SGCD: variants seen among roughly 807,000 people sequenced by gnomAD.
The protein encoded by SGCD is delta-sarcoglycan.
In SGCD, 18 loss-of-function variants were observed where a neutral mutation model predicts 36.6. The observed-to-expected ratio is 0.49, with a 90% confidence interval of 0.34 to 0.73. The LOEUF is 0.73. SGCD is among the 30% of genes least tolerant of loss of function. SGCD has a pLI of 0.01. For synonymous variants in SGCD, 133 were observed against 130.6 expected (o/e 1.02, Z -0.12); for missense variants, 387 against 346.7 (o/e 1.12, Z -0.92).
chr5:156,118,121 G>A (rs528795148), intron 2 of SGCD, among the ~76,000 whole-genome samples: 2 of 152,116 alleles, frequency 1.3e-5, no homozygotes, highest in South Asian at 4.1e-4. Context: ...AGTAAGGAGA[G>A]TGTAGTGAAG....
intron 7 of SGCD, among the ~76,000 whole-genome samples, chr5:156,679,493 G>C (rs775743620): frequency 2.0e-5 from 3 of 152,058 alleles, no homozygotes; most frequent in African/African-American, 4.8e-5. Flanking sequence ...TGCCACCCTT[G>C]GGCAATGCAC....
At chr5:156,167,984 A>G (rs1317715861) in intron 3 of SGCD, among the ~76,000 whole-genome samples, 2 of 152,244 alleles carry the variant, frequency 1.3e-5, no homozygotes, top group African/African-American at 4.8e-5. Context: ...TATCAGCACC[A>G]TGTCTTAGTT....
At chr5:156,537,032 C>T (rs769274982) in intron 4 of SGCD, among the ~76,000 whole-genome samples, 10 of 152,110 alleles carry the variant, frequency 6.6e-5, no homozygotes, top group African/African-American at 9.7e-5. Context: ...CTTCCTCCCT[C>T]GTGAAGCATT....
chr5:156,406,621 T>A (rs1363433810), intron 3 of SGCD, among the ~76,000 whole-genome samples: 4 of 151,322 alleles, frequency 2.6e-5, no homozygotes, highest in Non-Finnish European at 4.4e-5. Context: ...GCACTTAGAG[T>A]GTTTTCCCTG....
intron 4 of SGCD, among the ~76,000 whole-genome samples, chr5:156,542,555 C>A (rs1758391085): frequency 6.6e-6 from 1 of 152,124 alleles, no homozygotes; most frequent in South Asian, 2.1e-4. Flanking sequence ...TACTGCTAGG[C>A]AATATGCATT....
At chr5:156,013,295 G>A (rs1758899542) in intron 1 of SGCD, among the ~76,000 whole-genome samples, 1 of 152,200 alleles carries the variant, frequency 6.6e-6, no homozygotes. Flanking sequence ...AAAGTGCTGG[G>A]ATTACAGGCA....
In SGCD at chr5:156,589,241, T is replaced by C; in HGVS notation, c.305T>C (p.Leu102Pro). 6.4e-7 allele frequency: 1 copy of C among 1,564,684 alleles called. No individual in the cohort carries two copies. The highest frequency in any genetic ancestry group is 8.7e-7 in the Non-Finnish European group (1 of 1,151,280). Residue 102 changes from leucine (L) to proline (P), a missense_variant, in exon 5 of 9, where the codon CTG (leucine) becomes CCG (proline). Physicochemically the swap from Leu to Pro is moderately conservative, Grantham distance 98 (BLOSUM62 -3). Transcript: ENST00000337851. ...KEIQSRPGNA[L>P]YFKSARNVTV... ...ATTTTCTTATTGCAGGGTAATGCCC[T>C]GTACTTCAAGTCTGCCAGAAATGTT... is the stretch of plus-strand genomic sequence containing the variant.
At chr5:156,747,496 A>G (rs1285729739) in intron 7 of SGCD, among the ~76,000 whole-genome samples, 9 of 152,222 alleles carry the variant, frequency 5.9e-5, no homozygotes, top group Admixed American at 5.9e-4. Flanking sequence ...TCTAGTGGTC[A>G]TTTGTAGGAT....
chr5:156,128,573 C>T (rs1222162111), intron 3 of SGCD, among the ~76,000 whole-genome samples: 7 of 152,046 alleles, frequency 4.6e-5, no homozygotes. Context: ...AATTGTAATT[C>T]CCACGTGTCA....
intron 3 of SGCD, among the ~76,000 whole-genome samples, chr5:156,139,536 G>A (rs1435722253): frequency 6.6e-6 from 1 of 152,056 alleles, no homozygotes; most frequent in Non-Finnish European, 1.5e-5. Flanking sequence ...GAAATGCTTT[G>A]TCTCTCTGGA....
intron 3 of SGCD, among the ~76,000 whole-genome samples, chr5:156,141,519 A>G (rs1031405870): frequency 1.3e-5 from 2 of 151,682 alleles, no homozygotes; most frequent in African/African-American, 4.9e-5. Context: ...GTCAAAGAAG[A>G]TTATTATCCT....
chr5:156,375,395 CTTTTTTTTT>C (rs60179274), intron 3 of SGCD, among the ~76,000 whole-genome samples: 2 of 110,776 alleles, frequency 1.8e-5, no homozygotes, highest in African/African-American at 6.8e-5. Context: ...TCCTTCACAG[CTTTTTTTTT>C]TTTTTTTTTT....
intron 3 of SGCD, among the ~76,000 whole-genome samples, chr5:156,304,638 C>T (rs992885552): frequency 2.0e-4 from 30 of 152,076 alleles, no homozygotes; most frequent in African/African-American, 7.0e-4. Flanking sequence ...AAAAGATACC[C>T]AAAAATGTGG....
chr5:156,604,932 C>T (rs1761365094), intron 6 of SGCD, among the ~76,000 whole-genome samples: 1 of 151,106 alleles, frequency 6.6e-6, no homozygotes, highest in Non-Finnish European at 1.5e-5. Flanking sequence ...TTGTTTTTGA[C>T]TGTGTTGACT....
At chr5:155,944,479 A>T (rs748168890) in intron 1 of SGCD, among the ~76,000 whole-genome samples, 6 of 152,150 alleles carry the variant, frequency 3.9e-5, no homozygotes, top group Admixed American at 6.5e-5. Flanking sequence ...TATGATAGAC[A>T]TTGTTTTACC....
At chr5:155,959,038 C>T in intron 1 of SGCD, among the ~76,000 whole-genome samples, 1 of 152,092 alleles carries the variant, frequency 6.6e-6, no homozygotes, top group East Asian at 1.9e-4. Flanking sequence ...CTCTCTATGT[C>T]TTATTTTCTT....
chr5:156,507,036 A>G (rs1278256040), intron 3 of SGCD, among the ~76,000 whole-genome samples: 2 of 152,000 alleles, frequency 1.3e-5, no homozygotes, highest in African/African-American at 2.4e-5. Context: ...TGATAGAAGA[A>G]CCTCCCATGA....
Position 156,139,037 on chromosome 5 carries a change from AT to A in SGCD, c.-44+15020del, listed in dbSNP as rs539314102. Among the ~76,000 whole-genome samples, 8 of 152,112 alleles carry A rather than the reference AT, an allele frequency of 5.3e-5. No individual in the cohort carries two copies. The South Asian group carries it at 1.7e-3, about 32-fold the overall frequency. ...TTTTTATTGGATTGTTTACCTTTTT[AT>A]TATTGGGTTGTAAGAGCTCTTTTAA... On this transcript the variant is annotated intron_variant, in intron 3 of 9. Transcript: ENST00000517913.
At chr5:156,184,794 A>C (rs569753570) in intron 3 of SGCD, among the ~76,000 whole-genome samples, 1 of 152,316 alleles carries the variant, frequency 6.6e-6, no homozygotes, top group African/African-American at 2.4e-5. Context: ...GGCACAGGTG[A>C]AATAGTGAGG....
Sources: allele counts gnomAD v4.1 joint callset (sites outside exome capture counted in the v4.1 genomes callset), GRCh38; gene constraint gnomAD v4.1.1; transcripts MANE v1.5; gene names NCBI Gene and HGNC (gene_info 2026-07-23, HGNC 2026-07-21).